Variants in FIP1L1 observed in about 807,000 individuals in gnomAD.
FIP1L1 encodes the protein factor interacting with PAPOLA and CPSF1, also known as pre-mRNA 3'-end-processing factor FIP1.
A neutral mutation model predicts 84.6 loss-of-function variants in FIP1L1; 21 were observed. That is an observed-to-expected ratio of 0.25 (90% CI 0.18 to 0.36). The LOEUF is 0.36. FIP1L1 is among the 10% of genes least tolerant of loss of function. The probability of loss-of-function intolerance (pLI) is 1.00; values close to 1 mark genes in which losing one functional copy is unlikely to be tolerated. For synonymous variants in FIP1L1, 263 were observed against 242.3 expected (o/e 1.09, Z -0.80); for missense variants, 526 against 751.1 (o/e 0.70, Z 3.50).
chr4:53,451,480 A>G (rs557785572), intron 15 of FIP1L1, among the ~76,000 whole-genome samples: 9 of 152,068 alleles, frequency 5.9e-5, no homozygotes, highest in African/African-American at 9.6e-5. Context: ...CTGTCCACCT[A>G]CATCTTCGTC....
intron 2 of FIP1L1, 32 bp from the exon 3 acceptor site, chr4:53,379,193 T>C: frequency 6.2e-7 from 1 of 1,605,406 alleles, no homozygotes; most frequent in Non-Finnish European, 8.5e-7. Context: ...TTTTGTTTGC[T>C]TATTTATTTA....
chr4:53,448,357 A>G (rs1775073181), intron 15 of FIP1L1, among the ~76,000 whole-genome samples: 1 of 152,104 alleles, frequency 6.6e-6, no homozygotes, highest in South Asian at 2.1e-4. Flanking sequence ...AATAAATTCC[A>G]TAATATCTTT....
At chr4:53,451,678 T>C (rs1377898730) in intron 15 of FIP1L1, among the ~76,000 whole-genome samples, 2 of 152,042 alleles carry the variant, frequency 1.3e-5, no homozygotes, top group East Asian at 1.9e-4. Context: ...ACAGAGACTT[T>C]AGAATAATCT....
chr4:53,457,990 AATT>A (rs1720244857), intron 16 of FIP1L1, among the ~76,000 whole-genome samples: 1 of 151,994 alleles, frequency 6.6e-6, no homozygotes, highest in Non-Finnish European at 1.5e-5. Context: ...ATGCAGTTGA[AATT>A]ATTAGCCATG....
intron 11 of FIP1L1, among the ~76,000 whole-genome samples, chr4:53,425,515 TGTA>T (rs1274746197): frequency 2.0e-5 from 3 of 152,100 alleles, no homozygotes; most frequent in Non-Finnish European, 4.4e-5. Context: ...GTGTTACAAT[TGTA>T]GTGGTCCCAA....
At position 53,379,265 on chromosome 4, in the gene FIP1L1, G is replaced by T; in HGVS notation, c.170+1G>T. 1 of 1,588,310 alleles carries T rather than the reference G, an allele frequency of 6.3e-7. No individual in the cohort carries two copies. Among genetic ancestry groups the T allele is most frequent in the Non-Finnish European group, 8.5e-7 (1 of 1,172,324 alleles). ...AAAGGCCAGAAGAAGAAAATGCCAG[G>T]TTAGTGAAATTTTCTGTTGATGCCT... On this transcript the variant is annotated splice_donor_variant, in intron 3 of 17. Coordinates refer to ENST00000337488, the MANE Select transcript of FIP1L1 (RefSeq NM_030917.4). LOFTEE classifies it high-confidence loss of function.
chr4:53,431,871 T>C (rs1438114083), intron 13 of FIP1L1, among the ~76,000 whole-genome samples: 1 of 152,168 alleles, frequency 6.6e-6, no homozygotes, highest in Non-Finnish European at 1.5e-5. Context: ...TGTCAAATAG[T>C]TCACAGAAGA....
intron 10 of FIP1L1, among the ~76,000 whole-genome samples, chr4:53,407,876 G>A (rs1298427188): frequency 1.3e-5 from 2 of 151,970 alleles, no homozygotes; most frequent in African/African-American, 2.4e-5. Context: ...TTTATTTTGA[G>A]TCTATGTGTG....
At chr4:53,378,944 A>T (rs1340772245) in intron 1 of FIP1L1, 129 bp from the exon 2 acceptor site, 35 of 884,782 alleles carry the variant, frequency 4.0e-5, no homozygotes, top group Non-Finnish European at 5.5e-5. Context: ...TTTTACAAAG[A>T]TCTGGAAATC....
At chr4:53,415,602 G>A (rs1352588405) in intron 11 of FIP1L1, among the ~76,000 whole-genome samples, 1 of 147,698 alleles carries the variant, frequency 6.8e-6, no homozygotes, top group Non-Finnish European at 1.5e-5. Context: ...AAATATGTTT[G>A]CAATTATTTT....
At chr4:53,444,597 G>A (rs1178758908) in intron 15 of FIP1L1, among the ~76,000 whole-genome samples, 5 of 152,032 alleles carry the variant, frequency 3.3e-5, no homozygotes, top group Non-Finnish European at 1.5e-5. Context: ...GCTGTGCATT[G>A]TACTAATTTT....
At chr4:53,409,966 G>T (rs573349339) in intron 10 of FIP1L1, among the ~76,000 whole-genome samples, 43 of 152,348 alleles carry the variant, frequency 2.8e-4, no homozygotes, top group African/African-American at 1.0e-3. Flanking sequence ...GCCTTGCCCT[G>T]CTTTGGCTCG....
Position 53,460,707 on chromosome 4 carries a change from T to TG in FIP1L1, c.*1259dup, listed in dbSNP as rs1560601719. ...TAGAGTAATGAGAAATCCTCCACAC[T>TG]GAAAAAAAACTAGTAGTTTTAATTT... On this transcript the variant is annotated 3_prime_UTR_variant, in exon 18 of 18. Coordinates refer to ENST00000337488, the MANE Select transcript of FIP1L1 (RefSeq NM_030917.4). 1.9e-6 allele frequency: 1 copy of TG among 529,344 alleles called. No homozygotes were observed. The highest frequency in any genetic ancestry group is 3.2e-6 in the Non-Finnish European group (1 of 309,142). 32.8% of individuals were successfully genotyped at this position (529,344 alleles called of 1,614,324 possible).
intron 5 of FIP1L1, 138 bp downstream of exon 5, chr4:53,384,014 A>G (rs575657084): frequency 3.2e-5 from 27 of 834,614 alleles, no homozygotes; most frequent in Non-Finnish European, 4.7e-5. Context: ...TTAAAGTTTC[A>G]TCATGAATAT....
At chr4:53,430,151 G>T (rs1413155925) in intron 13 of FIP1L1, among the ~76,000 whole-genome samples, 1 of 152,040 alleles carries the variant, frequency 6.6e-6, no homozygotes, top group East Asian at 1.9e-4. Context: ...TCCCCAGATG[G>T]CTAACATTTT....
rs188676525 is a variant in FIP1L1, at chr4:53,391,393, T to C, written c.637-37T>C. 83 of 1,534,890 alleles carry C rather than the reference T, an allele frequency of 5.4e-5. No individual in the cohort carries two copies. The East Asian group carries it at 1.8e-3, about 33-fold the overall frequency. ...TATATGGCCTATTAATTAAATATTA[T>C]GTGGTATCTTAATGGGGAATATGTT... On this transcript the variant is annotated intron_variant, in intron 8 of 17. Coordinates refer to ENST00000337488, the MANE Select transcript of FIP1L1 (RefSeq NM_030917.4).
At chr4:53,422,494 T>C (rs1762781812) in intron 11 of FIP1L1, among the ~76,000 whole-genome samples, 1 of 151,962 alleles carries the variant, frequency 6.6e-6, no homozygotes, top group African/African-American at 2.4e-5. Context: ...GTTGCTACCT[T>C]ATGGGTTTAT....
At chr4:53,410,814 T>G (rs546252190) in intron 10 of FIP1L1, among the ~76,000 whole-genome samples, 17 of 152,360 alleles carry the variant, frequency 1.1e-4, no homozygotes, top group Admixed American at 5.9e-4. Flanking sequence ...AATTTCTTAC[T>G]GTGTTTAATT....
rs1553926935 is a variant in FIP1L1 at position 53,459,297 on chromosome 4, T to TC, written c.1638-3dup. ...CACACCTTTTTTTTTTTTTTTTTTT[T>TC]CCAGTAATAGTAGACGTCGCCATGA... is the stretch of plus-strand genomic sequence containing the variant. On this transcript the variant is annotated splice_region_variant and splice_polypyrimidine_tract_variant and intron_variant, in intron 17 of 17. Coordinates refer to ENST00000337488, the MANE Select transcript of FIP1L1 (RefSeq NM_030917.4). The TC allele has an allele frequency of 3.9e-5, 57 of 1,479,548 alleles. No homozygotes were observed. Among genetic ancestry groups the TC allele is most frequent in the Admixed American group, 1.0e-4 (4 of 40,112 alleles). 91.7% of individuals were successfully genotyped at this position (1,479,548 alleles called of 1,614,324 possible).
Sources: allele counts gnomAD v4.1 joint callset (sites outside exome capture counted in the v4.1 genomes callset), GRCh38; gene constraint gnomAD v4.1.1; transcripts MANE v1.5; gene names NCBI Gene and HGNC (gene_info 2026-07-23, HGNC 2026-07-21).